Variants in OLFM3 observed in about 807,000 individuals in gnomAD.
OLFM3 encodes olfactomedin 3.
A neutral mutation model predicts 48.6 loss-of-function variants in OLFM3; 20 were observed. The observed-to-expected ratio is 0.41, with a 90% CI of 0.29 to 0.60. The LOEUF (loss-of-function observed/expected upper bound fraction) is 0.60, where lower values mean the gene tolerates loss of function less well. OLFM3 is among the 20% of genes least tolerant of loss of function. OLFM3 has a pLI of 0.28. For missense variants in OLFM3, 437 were observed against 544.3 expected, an observed-to-expected ratio of 0.80 and a Z score of 1.96; for synonymous variants, 222 against 198.1, an observed-to-expected ratio of 1.12 and a Z score of -1.01.
At chr1:101,822,851 C>T (rs1042597253) in intron 4 of OLFM3, among the ~76,000 whole-genome samples, 2 of 150,020 alleles carry the variant, frequency 1.3e-5, no homozygotes, top group Admixed American at 1.3e-4. Context: ...ACCATAAACT[C>T]CACAACTTGA....
intron 1 of OLFM3, among the ~76,000 whole-genome samples, chr1:101,888,543 A>C (rs1415315751): frequency 6.6e-6 from 1 of 152,196 alleles, no homozygotes; most frequent in Non-Finnish European, 1.5e-5. Context: ...AAACCATAAA[A>C]ACCCTAGAAG....
intron 1 of OLFM3, among the ~76,000 whole-genome samples, chr1:101,860,864 C>G (rs957637824): frequency 6.6e-6 from 1 of 151,934 alleles, no homozygotes; most frequent in African/African-American, 2.4e-5. Flanking sequence ...AACTTTAACT[C>G]AGGGTTGTCA....
chr1:101,857,597 C>T (rs1656478363), intron 1 of OLFM3, among the ~76,000 whole-genome samples: 1 of 151,700 alleles, frequency 6.6e-6, no homozygotes, highest in African/African-American at 2.4e-5. Flanking sequence ...CTCCTTTCCC[C>T]CCTCTCCTTT....
chr1:101,878,059 C>G (rs117612508), intron 1 of OLFM3, among the ~76,000 whole-genome samples: 3 of 151,688 alleles, frequency 2.0e-5, no homozygotes, highest in African/African-American at 7.3e-5. Flanking sequence ...CCTTCTCACC[C>G]GCATGTCCTA....
intron 1 of OLFM3, among the ~76,000 whole-genome samples, chr1:101,843,210 T>C (rs1256056061): frequency 6.6e-6 from 1 of 152,164 alleles, no homozygotes; most frequent in Non-Finnish European, 1.5e-5. Flanking sequence ...AGCTAGACCT[T>C]TGAAAATGTA....
chr1:101,966,073 G>A (rs1660598799), intron 1 of OLFM3, among the ~76,000 whole-genome samples: 1 of 152,120 alleles, frequency 6.6e-6, no homozygotes, highest in Non-Finnish European at 1.5e-5. Context: ...TGGGATAGCA[G>A]TTGTTCTCTT....
chr1:101,940,603 G>A (rs1659763442), intron 1 of OLFM3, among the ~76,000 whole-genome samples: 1 of 151,510 alleles, frequency 6.6e-6, no homozygotes, highest in African/African-American at 2.4e-5. Context: ...CTATGATGGA[G>A]GCAAATATGG....
intron 1 of OLFM3, among the ~76,000 whole-genome samples, chr1:101,937,050 C>T (rs1422070891): frequency 6.6e-6 from 1 of 151,870 alleles, no homozygotes; most frequent in Non-Finnish European, 1.5e-5. Context: ...GGACATAGGC[C>T]CTGACAAAGA....
At chr1:101,861,481 C>A (rs2100963562) in intron 1 of OLFM3, among the ~76,000 whole-genome samples, 1 of 152,276 alleles carries the variant, frequency 6.6e-6, no homozygotes, top group African/African-American at 2.4e-5. Flanking sequence ...CAGTGAGGCC[C>A]AAGTGTCCAG....
At chr1:101,850,849 G>T (rs1656194942) in intron 1 of OLFM3, among the ~76,000 whole-genome samples, 1 of 151,904 alleles carries the variant, frequency 6.6e-6, no homozygotes, top group Non-Finnish European at 1.5e-5. Flanking sequence ...CAGGCAGAGG[G>T]GAAAGTGGCT....
intron 5 of OLFM3, among the ~76,000 whole-genome samples, chr1:101,805,292 T>C (rs996116193): frequency 6.6e-6 from 1 of 151,836 alleles, no homozygotes; most frequent in Non-Finnish European, 1.5e-5. Context: ...GCAAATTACA[T>C]TTATTCTATC....
At position 101,909,949 on chromosome 1, in the gene OLFM3, C is replaced by T. The variant is rs904902852; in HGVS notation, c.70-72924G>A. On this transcript the variant is annotated intron_variant, in intron 1 of 5. Transcript: ENST00000370103. Reference sequence around the variant, plus strand: ...TGTCCAGGTAAACTATAGACTCATCCAATAATCTTCAAGGTACCACATAAG... The same window carrying T: ...TGTCCAGGTAAACTATAGACTCATCTAATAATCTTCAAGGTACCACATAAG... 17 of 984,774 alleles carry T rather than the reference C, an allele frequency of 1.7e-5. 1 individual carries two copies. The South Asian group carries it at 3.8e-4, about 22-fold the overall frequency. 61.0% of individuals were successfully genotyped at this position (984,774 alleles called of 1,614,324 possible). A position where few individuals can be genotyped will look rare whatever the true frequency, so the allele number is the denominator to read the frequency against.
chr1:101,924,547 T>C (rs1290371196), intron 1 of OLFM3, among the ~76,000 whole-genome samples: 1 of 152,162 alleles, frequency 6.6e-6, no homozygotes, highest in African/African-American at 2.4e-5. Context: ...TAATATTGTA[T>C]ATTTTTACAA....
chr1:101,939,285 G>A (rs2101057148), intron 1 of OLFM3, among the ~76,000 whole-genome samples: 1 of 152,224 alleles, frequency 6.6e-6, no homozygotes, highest in Non-Finnish European at 1.5e-5. Flanking sequence ...ATGGCAAAAT[G>A]TTAATGTGTA....
At chr1:101,967,141 C>G (rs1184666071) in intron 1 of OLFM3, among the ~76,000 whole-genome samples, 9 of 152,226 alleles carry the variant, frequency 5.9e-5, no homozygotes, top group African/African-American at 2.2e-4. Context: ...GGATCTAATA[C>G]ACACCAGGAT....
At chr1:101,912,526 C>G (rs1480417681) in intron 1 of OLFM3, among the ~76,000 whole-genome samples, 1 of 152,086 alleles carries the variant, frequency 6.6e-6, no homozygotes, top group African/African-American at 2.4e-5. Flanking sequence ...CCAAAAGTCA[C>G]GCAATTTTTT....
intron 1 of OLFM3, among the ~76,000 whole-genome samples, chr1:101,859,357 A>T (rs1421388700): frequency 6.6e-6 from 1 of 152,078 alleles, no homozygotes; most frequent in East Asian, 1.9e-4. Context: ...GAGAGTAGTT[A>T]GGCGGCCATT....
chr1:101,841,955 G>A (rs1427101056), intron 1 of OLFM3, among the ~76,000 whole-genome samples: 2 of 152,168 alleles, frequency 1.3e-5, no homozygotes, highest in African/African-American at 4.8e-5. Flanking sequence ...TGGTCCCAGA[G>A]AGTGACATGT....
At chr1:101,858,254 A>G (rs1467450368) in intron 1 of OLFM3, among the ~76,000 whole-genome samples, 2 of 152,222 alleles carry the variant, frequency 1.3e-5, no homozygotes, top group East Asian at 3.9e-4. Flanking sequence ...TTTTTCTACC[A>G]AAAATATATG....
Sources: gnomAD v4.1 joint callset for allele counts (sites outside exome capture counted in the v4.1 genomes callset) on GRCh38, gnomAD v4.1.1 for gene constraint, MANE v1.5 for transcripts, NCBI Gene and HGNC (gene_info 2026-07-23, HGNC 2026-07-21) for gene names.